Variants in RNF43 observed in about 807,000 individuals in gnomAD.
The protein encoded by RNF43 is E3 ubiquitin-protein ligase RNF43.
A neutral mutation model predicts 78.4 loss-of-function variants in RNF43; 37 were observed. The observed-to-expected ratio is 0.47, with a 90% CI of 0.36 to 0.62. The LOEUF (loss-of-function observed/expected upper bound fraction) is 0.62. Among genes scored for constraint, RNF43 ranks in the 20% least tolerant of loss-of-function variants. The probability of loss-of-function intolerance (pLI) is 0.00; values close to 1 mark genes in which losing one functional copy is unlikely to be tolerated. For missense variants in RNF43, 774 were observed against 1,007.9 expected, an observed-to-expected ratio of 0.77 and a Z score of 3.14; for synonymous variants, 347 against 395.0, an observed-to-expected ratio of 0.88 and a Z score of 1.44.
chr17:58,377,961 TG>T (rs888016483), intron 2 of RNF43, among the ~76,000 whole-genome samples: 1 of 151,848 alleles, frequency 6.6e-6, no homozygotes, highest in African/African-American at 2.4e-5. Flanking sequence ...CCTGCAGATA[TG>T]GGGGTGGGAA....
intron 3 of RNF43, among the ~76,000 whole-genome samples, chr17:58,369,093 G>A (rs73993662): frequency 0.01 from 1,471 of 144,580 alleles, 10 homozygotes; most frequent in African/African-American, 0.037. Context: ...ACACACACAC[G>A]CACACACACA....
intron 2 of RNF43, among the ~76,000 whole-genome samples, chr17:58,403,311 T>C (rs999074059): frequency 1.3e-5 from 2 of 152,112 alleles, no homozygotes; most frequent in African/African-American, 4.8e-5. Flanking sequence ...ACTCACATAA[T>C]CCCCCAGTCT....
At chr17:58,352,552 GT>G (rs368279146), downstream of RNF43, 22 of 217,852 alleles carry the variant, frequency 1.0e-4, no homozygotes, top group Non-Finnish European at 1.7e-4. Context: ...CCCGAAGTTT[GT>G]TTTTTTTTGT....
intron 5 of RNF43, 70 bp from the exon 6 acceptor site, chr17:58,362,718 A>C: frequency 8.0e-7 from 1 of 1,250,564 alleles, no homozygotes; most frequent in Non-Finnish European, 1.1e-6. Context: ...GAGGAAACAC[A>C]GGAGCCCGGG....
At chr17:58,378,188 C>T (rs1439383336) in intron 2 of RNF43, among the ~76,000 whole-genome samples, 3 of 152,222 alleles carry the variant, frequency 2.0e-5, no homozygotes, top group Non-Finnish European at 4.4e-5. Context: ...TCTGAGATGA[C>T]TGAGTTTCCA....
At chr17:58,382,994 A>T (rs116738953) in intron 2 of RNF43, among the ~76,000 whole-genome samples, 1,680 of 152,134 alleles carry the variant, frequency 0.011, 28 homozygotes, top group African/African-American at 0.038. Context: ...ACAAACAATT[A>T]AAAAAAATCC....
intron 2 of RNF43, among the ~76,000 whole-genome samples, chr17:58,394,743 G>C (rs534946717): frequency 1.3e-5 from 2 of 152,322 alleles, no homozygotes; most frequent in South Asian, 4.1e-4. Flanking sequence ...ATAACAACAG[G>C]AAGTGTACCT....
At chr17:58,416,562 C>T (rs939932309) in intron 1 of RNF43, 1 of 152,278 alleles carries the variant, frequency 6.6e-6, no homozygotes, top group African/African-American at 2.4e-5. Flanking sequence ...TTGGAAACTA[C>T]TTTAATATCC....
intron 3 of RNF43, among the ~76,000 whole-genome samples, chr17:58,367,295 A>G (rs1972977765): frequency 6.6e-6 from 1 of 152,074 alleles, no homozygotes; most frequent in Non-Finnish European, 1.5e-5. Flanking sequence ...ATGAGCCACC[A>G]CACCTGGTCC....
chr17:58,399,788 C>T (rs1286638638), intron 2 of RNF43, among the ~76,000 whole-genome samples: 3 of 151,952 alleles, frequency 2.0e-5, no homozygotes, highest in Admixed American at 6.6e-5. Flanking sequence ...ATTACAGTTG[C>T]GTACCACCAC....
intron 2 of RNF43, among the ~76,000 whole-genome samples, chr17:58,371,848 A>G (rs1299669393): frequency 6.6e-6 from 1 of 152,252 alleles, no homozygotes; most frequent in Non-Finnish European, 1.5e-5. Context: ...ACGTGCTGAC[A>G]GAAATCTGAG....
intron 2 of RNF43, among the ~76,000 whole-genome samples, chr17:58,396,432 C>A (rs1378141646): frequency 6.6e-6 from 1 of 152,074 alleles, no homozygotes; most frequent in South Asian, 2.1e-4. Flanking sequence ...AAGGCTGAAA[C>A]AGAGGGAAAG....
chr17:58,407,020 G>A (rs990444596), intron 2 of RNF43, among the ~76,000 whole-genome samples: 2 of 150,552 alleles, frequency 1.3e-5, no homozygotes, highest in Non-Finnish European at 2.9e-5. Flanking sequence ...CAACAAACAG[G>A]AGTCGTGAAG....
At chr17:58,376,984 A>C (rs549407033) in intron 2 of RNF43, among the ~76,000 whole-genome samples, 1 of 152,286 alleles carries the variant, frequency 6.6e-6, no homozygotes, top group South Asian at 2.1e-4. Flanking sequence ...AGACATGTGA[A>C]CTGTCCTTCG....
downstream of RNF43, chr17:58,352,740 GAAA>G (rs1169112765): frequency 4.7e-6 from 1 of 210,978 alleles, no homozygotes; most frequent in African/African-American, 2.3e-5. Flanking sequence ...AGCTACGGCG[GAAA>G]AAAATGCGTA....
At chr17:58,382,993 TA>T (rs891101844) in intron 2 of RNF43, among the ~76,000 whole-genome samples, 11 of 152,088 alleles carry the variant, frequency 7.2e-5, no homozygotes, top group South Asian at 4.2e-4. Context: ...TACAAACAAT[TA>T]AAAAAAATCC....
At chr17:58,375,715 T>C (rs137878372) in intron 2 of RNF43, among the ~76,000 whole-genome samples, 2 of 152,350 alleles carry the variant, frequency 1.3e-5, no homozygotes, top group East Asian at 3.9e-4. Context: ...GGTGTTTTGC[T>C]TTGAATACTT....
chr17:58,368,688 G>C (rs895401202), intron 3 of RNF43, among the ~76,000 whole-genome samples: 3 of 150,716 alleles, frequency 2.0e-5, no homozygotes, highest in Admixed American at 2.0e-4. Context: ...ACTCCAGCCT[G>C]GGCAACAGAG....
intron 2 of RNF43, among the ~76,000 whole-genome samples, chr17:58,412,360 A>T (rs1412542090): frequency 6.6e-6 from 1 of 152,168 alleles, no homozygotes; most frequent in Admixed American, 6.6e-5. Context: ...AGGACTTGAG[A>T]AATAGAAGGG....
Sources: allele counts gnomAD v4.1 joint callset (sites outside exome capture counted in the v4.1 genomes callset), GRCh38; gene constraint gnomAD v4.1.1; transcripts MANE v1.5; gene names NCBI Gene and HGNC (gene_info 2026-07-23, HGNC 2026-07-21).